Variants in ETV6 observed in about 807,000 individuals in gnomAD.
ETV6 encodes ETS variant transcription factor 6.
Under a neutral mutation model 51.1 loss-of-function variants are expected in ETV6, and 16 were observed. That is an observed-to-expected ratio of 0.31 (90% CI 0.21 to 0.48). The LOEUF is 0.48. Among genes scored for constraint, ETV6 ranks in the 20% least tolerant of loss-of-function variants. The probability of loss-of-function intolerance (pLI) is 0.99; values close to 1 mark genes in which losing one functional copy is unlikely to be tolerated. For missense variants in ETV6, 458 were observed against 594.8 expected, an observed-to-expected ratio of 0.77 and a Z score of 2.39; for synonymous variants, 240 against 224.1, an observed-to-expected ratio of 1.07 and a Z score of -0.64.
chr12:11,891,089 C>T lies in ETV6; in HGVS notation c.*43C>T. 6.8e-7 allele frequency: 1 copy of T among 1,477,254 alleles called. No homozygotes were observed. Among genetic ancestry groups the T allele is most frequent in the Non-Finnish European group, 9.4e-7 (1 of 1,059,164 alleles). 91.5% of individuals were successfully genotyped at this position (1,477,254 alleles called of 1,614,324 possible). ...CTCAGCGGGCCAGCAGCCCAGGGAA[C>T]CCCTGCCCACCAGGATTGCTGGAAG... is the stretch of plus-strand genomic sequence containing the variant. On this transcript the variant is annotated 3_prime_UTR_variant, in exon 8 of 8. Transcript: ENST00000396373.
chr12:11,863,703 G>A (rs1004250646), intron 4 of ETV6, among the ~76,000 whole-genome samples: 21 of 152,296 alleles, frequency 1.4e-4, no homozygotes, highest in Admixed American at 5.9e-4. Context: ...CCCACTGTCC[G>A]CTCAGTGCAT....
At chr12:11,711,817 A>G (rs1865178011) in intron 1 of ETV6, among the ~76,000 whole-genome samples, 1 of 152,200 alleles carries the variant, frequency 6.6e-6, no homozygotes, top group African/African-American at 2.4e-5. Flanking sequence ...ATTATTTCTG[A>G]ACCAGAAAGT....
At position 11,891,316 on chromosome 12, in the gene ETV6, A is replaced by T. The variant is rs1947283876; in HGVS notation, c.*270A>T. 2.4e-6 allele frequency: 1 copy of T among 420,406 alleles called. No homozygotes were observed. The highest frequency in any genetic ancestry group is 4.1e-5 in the Admixed American group (1 of 24,674). The allele number at this position is 420,406 out of a possible 1,614,324, so 26.0% of individuals were successfully genotyped here. ...CTGATTTGGAATCTCTCCATCTGTAATTCCTCACCCTCACCCTTCCACCGT... is the reference window on the plus strand; with the variant it reads ...CTGATTTGGAATCTCTCCATCTGTATTTCCTCACCCTCACCCTTCCACCGT... On this transcript the variant is annotated 3_prime_UTR_variant, in exon 8 of 8. Transcript: ENST00000396373.
At chr12:11,693,438 G>A (rs1296012523) in intron 1 of ETV6, among the ~76,000 whole-genome samples, 3 of 151,936 alleles carry the variant, frequency 2.0e-5, no homozygotes, top group Non-Finnish European at 2.9e-5. Flanking sequence ...GCTACTTAGT[G>A]TCATCCTCTC....
At chr12:11,651,283 G>GTT (rs1863901053) in intron 1 of ETV6, among the ~76,000 whole-genome samples, 1 of 152,160 alleles carries the variant, frequency 6.6e-6, no homozygotes, top group Non-Finnish European at 1.5e-5. Context: ...CAAATAACCT[G>GTT]TTTTCTTCGT....
intron 2 of ETV6, among the ~76,000 whole-genome samples, chr12:11,789,804 A>G (rs532066490): frequency 1.4e-4 from 22 of 152,144 alleles, no homozygotes; most frequent in Non-Finnish European, 1.3e-4. Flanking sequence ...TCCGATCTTT[A>G]ATCTTTTGCA....
chr12:11,891,156 G>T lies in ETV6; in HGVS notation c.*110G>T. 1 of 825,472 alleles carries T rather than the reference G, an allele frequency of 1.2e-6. No individual in the cohort carries two copies. The highest frequency in any genetic ancestry group is 1.5e-5 in the South Asian group (1 of 66,248). 51.1% of individuals were successfully genotyped at this position (825,472 alleles called of 1,614,324 possible). ...GGCTGAGGAGAGTGGAAAAGGAAGC[G>T]ACCCAGAAATGGCAGGGACACTTCT... On this transcript the variant is annotated 3_prime_UTR_variant, in exon 8 of 8. Coordinates refer to ENST00000396373, the MANE Select transcript of ETV6 (RefSeq NM_001987.5).
At chr12:11,784,011 G>C (rs1945446495) in intron 2 of ETV6, among the ~76,000 whole-genome samples, 1 of 151,386 alleles carries the variant, frequency 6.6e-6, no homozygotes, top group South Asian at 2.1e-4. Context: ...TAATTTGTCT[G>C]TCTGTGTGGT....
intron 1 of ETV6, among the ~76,000 whole-genome samples, chr12:11,673,314 T>C (rs1864355890): frequency 6.6e-6 from 1 of 152,082 alleles, no homozygotes; most frequent in East Asian, 1.9e-4. Context: ...GAGATGTCCA[T>C]GAAGAAGAAA....
At chr12:11,755,636 C>T (rs992948630) in intron 2 of ETV6, among the ~76,000 whole-genome samples, 7 of 152,176 alleles carry the variant, frequency 4.6e-5, no homozygotes, top group Non-Finnish European at 7.3e-5. Context: ...TGCATCCCAG[C>T]TGAGTTTCCA....
intron 1 of ETV6, among the ~76,000 whole-genome samples, chr12:11,725,432 A>G (rs1048123370): frequency 1.3e-5 from 2 of 152,186 alleles, no homozygotes; most frequent in Admixed American, 6.5e-5. Flanking sequence ...TGCTGTTTCA[A>G]CAAAGTTAAG....
At chr12:11,696,356 A>G (rs1385916950) in intron 1 of ETV6, among the ~76,000 whole-genome samples, 2 of 152,248 alleles carry the variant, frequency 1.3e-5, no homozygotes, top group African/African-American at 2.4e-5. Context: ...TGTTAAAACA[A>G]TGAATACATG....
intron 1 of ETV6, among the ~76,000 whole-genome samples, chr12:11,654,997 C>T (rs1863973842): frequency 1.3e-5 from 2 of 152,164 alleles, no homozygotes; most frequent in South Asian, 4.1e-4. Flanking sequence ...ATGTGAGCAC[C>T]AGAGGCAGGT....
chr12:11,826,186 C>G (rs142998273), intron 2 of ETV6, among the ~76,000 whole-genome samples: 6 of 152,164 alleles, frequency 3.9e-5, no homozygotes, highest in African/African-American at 1.4e-4. Flanking sequence ...GCCTGCAGAC[C>G]GCCCAGAGAC....
At chr12:11,878,701 A>T (rs1947033431) in intron 5 of ETV6, among the ~76,000 whole-genome samples, 1 of 151,752 alleles carries the variant, frequency 6.6e-6, no homozygotes, top group African/African-American at 2.4e-5. Context: ...TTCCTAAGCC[A>T]CGGCAAAGCA....
intron 1 of ETV6, among the ~76,000 whole-genome samples, chr12:11,667,607 A>G (rs1591596021): frequency 6.8e-6 from 1 of 148,028 alleles, no homozygotes; most frequent in East Asian, 2.0e-4. Flanking sequence ...ATCATAGCTC[A>G]CTGCCTCGAC....
Position 11,869,126 on chromosome 12 carries a change from C to A in ETV6, c.464-298C>A, listed in dbSNP as rs913741916. Among the ~76,000 whole-genome samples, 1 of 152,026 alleles carries A rather than the reference C, an allele frequency of 6.6e-6. No homozygotes were observed. Among genetic ancestry groups the A allele is most frequent in the African/African-American group, 2.4e-5 (1 of 41,442 alleles). ...TGGTGGGCGCCTGTAGTCCCAGCTA[C>A]TCGGGAGGCTGAGGCCGGAGAATGG... On this transcript the variant is annotated intron_variant, in intron 4 of 7. Coordinates refer to ENST00000396373, the MANE Select transcript of ETV6 (RefSeq NM_001987.5). The surrounding 1 kb of genome is among the most constrained non-coding windows in gnomAD (Gnocchi z 5.0).
intron 6 of ETV6, 26 bp downstream of exon 6, chr12:11,884,613 C>T (rs1947158546): frequency 3.1e-6 from 5 of 1,612,592 alleles, no homozygotes; most frequent in African/African-American, 2.7e-5. Context: ...ATATCTGCTC[C>T]ATAAACTAGT....
rs953143844 is a variant in ETV6, at chr12:11,768,708, C to A, written c.163+16129C>A. On this transcript the variant is annotated intron_variant, in intron 2 of 7. Transcript: ENST00000396373. ...GAAAATAATATACCTGGGTGATAAA[C>A]TGAGCAAACATCACCCTTGCCCTTG... Among the ~76,000 whole-genome samples, 3 of 152,206 alleles carry A rather than the reference C, an allele frequency of 2.0e-5. 1 individual carries two copies. The highest frequency in any genetic ancestry group is 1.3e-4 in the Admixed American group (2 of 15,286).
Sources: allele counts gnomAD v4.1 joint callset (sites outside exome capture counted in the v4.1 genomes callset), GRCh38; gene constraint gnomAD v4.1.1; non-coding constraint Gnocchi (gnomAD v3.1); transcripts MANE v1.5; gene names NCBI Gene and HGNC (gene_info 2026-07-23, HGNC 2026-07-21).